The following ARHGAP8 variants were observed in gnomAD, a reference collection of about 807,000 sequenced individuals.
ARHGAP8 encodes Rho GTPase activating protein 8, also known as rho GTPase-activating protein 8.
Under a neutral mutation model 46.1 loss-of-function variants are expected in ARHGAP8, and 62 were observed. The ratio of observed to expected loss-of-function variants is 1.34; its 90% CI spans 1.10 to 1.66. The LOEUF (loss-of-function observed/expected upper bound fraction) is 1.66. ARHGAP8 is among the 40% of genes most tolerant of loss of function. The pLI, the probability that ARHGAP8 is intolerant of heterozygous loss-of-function variation, is 0.00. For synonymous variants in ARHGAP8, 375 were observed against 243.1 expected, an observed-to-expected ratio of 1.54 and a Z score of -5.05; for missense variants, 923 against 568.4, an observed-to-expected ratio of 1.62 and a Z score of -6.34.
intron 2 of ARHGAP8, 51 bp from the exon 3 acceptor site, chr22:44,802,026 G>T: frequency 6.2e-7 from 1 of 1,606,620 alleles, no homozygotes. Flanking sequence ...AGTGCCTGAG[G>T]ATTTTCTAGG....
intron 7 of ARHGAP8, among the ~76,000 whole-genome samples, chr22:44,835,221 G>A (rs191750076): frequency 1.6e-3 from 219 of 140,336 alleles, no homozygotes; most frequent in African/African-American, 6.0e-3. Flanking sequence ...TCAATTTTTT[G>A]TTTCTTTTGC....
intron 7 of ARHGAP8, among the ~76,000 whole-genome samples, chr22:44,828,519 G>A (rs1022940971): frequency 4.7e-5 from 7 of 149,656 alleles, no homozygotes; most frequent in African/African-American, 1.7e-4. Flanking sequence ...GCAGGATCTC[G>A]GCTCCCTGCA....
intron 1 of ARHGAP8, among the ~76,000 whole-genome samples, chr22:44,781,689 AT>A (rs11310716): frequency 0.88 from 132,754 of 151,696 alleles, 58,194 homozygotes; most frequent in Non-Finnish European, 0.89. Flanking sequence ...CGCCCGGCTA[AT>A]TTTTTTGTAT....
rs755360605 is a variant in ARHGAP8, at chr22:44,862,550, T to C, written c.1257T>C (p.Pro419=). 94 of 1,602,632 alleles carry C rather than the reference T, an allele frequency of 5.9e-5. No individual in the cohort carries two copies. Among genetic ancestry groups the C allele is most frequent in the Middle Eastern group, 1.7e-4 (1 of 6,046 alleles). Residue 419 remains proline, a synonymous_variant, in exon 12 of 12, where the codon CCT becomes CCC. Transcript: ENST00000356099. The part of the protein sequence containing the change: ...PRTQATGLTK[P]TLPPSPLMAA... ...CACAAGCCACGGGCCTCACCAAGCC[T>C]ACCCTACCTCCGAGTCCCCTGATGG... is the stretch of plus-strand genomic sequence containing the variant.
rs1928574648 is a variant in ARHGAP8 at position 44,801,824 on chromosome 22, T to C, written c.80-253T>C. The C allele has an allele frequency of 7.5e-6, 4 of 535,646 alleles. No individual in the cohort carries two copies. The East Asian group carries it at 9.5e-5, about 13-fold the overall frequency. The allele number at this position is 535,646 out of a possible 1,614,324, so 33.2% of individuals were successfully genotyped here. On this transcript the variant is annotated intron_variant, in intron 2 of 11. Coordinates refer to ENST00000356099, the MANE Select transcript of ARHGAP8 (RefSeq NM_181335.3). ...CTCTGCACTGATGACTTAACCCTGC[T>C]GGGCCTCGGTTTTCTATCTGTAAAG...
At chr22:44,850,481 CTAGAGAGA>C (rs2070066193) in intron 10 of ARHGAP8, 1 of 152,190 alleles carries the variant, frequency 6.6e-6, no homozygotes, top group South Asian at 2.1e-4. Flanking sequence ...AGGCTGTGTC[CTAGAGAGA>C]AGCTTCCAGA....
chr22:44,841,047 G>A (rs1931617683), intron 7 of ARHGAP8, among the ~76,000 whole-genome samples: 1 of 152,168 alleles, frequency 6.6e-6, no homozygotes, highest in Admixed American at 6.5e-5. Flanking sequence ...TGCCTTTCAG[G>A]GGAGTCCCGT....
rs1312564055 is a variant in ARHGAP8, at chr22:44,759,604, G to A, written c.-72+6977G>A. Among the ~76,000 whole-genome samples, 4 of 152,084 alleles carry A rather than the reference G, an allele frequency of 2.6e-5. 1 individual carries two copies. The highest frequency in any genetic ancestry group is 4.2e-4 in the South Asian group (2 of 4,792). On this transcript the variant is annotated intron_variant, in intron 1 of 11. Coordinates refer to ENST00000356099, the MANE Select transcript of ARHGAP8 (RefSeq NM_181335.3). ...GGCGGCAAGTTGGCTGCAGCCCTCC[G>A]GGTCTCATCTGCATACCCAGCTGCG...
At chr22:44,821,106 A>G (rs868161098) in intron 5 of ARHGAP8, among the ~76,000 whole-genome samples, 16 of 152,228 alleles carry the variant, frequency 1.1e-4, no homozygotes, top group African/African-American at 3.6e-4. Flanking sequence ...TTCCTTTTCC[A>G]GTAACAACAT....
intron 10 of ARHGAP8, among the ~76,000 whole-genome samples, chr22:44,856,243 C>T: frequency 7.1e-6 from 1 of 140,682 alleles, no homozygotes; most frequent in African/African-American, 2.8e-5. Flanking sequence ...GTCTGGCCAG[C>T]TATAAATTCC....
chr22:44,859,751 G>A lies in ARHGAP8; in HGVS notation c.898G>A (p.Val300Ile), dbSNP rs568417355. 6 of 1,613,896 alleles carry A rather than the reference G, an allele frequency of 3.7e-6. No individual in the cohort carries two copies. Among genetic ancestry groups the A allele is most frequent in the Middle Eastern group, 1.6e-4 (1 of 6,062 alleles). The change falls in exon 11 of 12, where the codon GTC becomes ATC. Residue 300 changes from valine (V) to isoleucine (I), a missense_variant. Val to Ile is a conservative substitution (Grantham distance 29). Transcript: ENST00000356099. ...GITCVESSLR[V>I]TGCRQILRSL... ...TCCAGGTGTGGAGAGCAGCCTGCGT[G>A]TCACTGGCTGCCGCCAGATCTTACG...
intron 1 of ARHGAP8, among the ~76,000 whole-genome samples, chr22:44,775,659 G>A: frequency 6.6e-6 from 1 of 151,442 alleles, no homozygotes; most frequent in African/African-American, 2.4e-5. Context: ...CATGTCGGCT[G>A]GGCTGGTCTC....
At chr22:44,824,173 C>A (rs1254001733) in intron 6 of ARHGAP8, among the ~76,000 whole-genome samples, 4 of 152,242 alleles carry the variant, frequency 2.6e-5, no homozygotes, top group Non-Finnish European at 5.9e-5. Flanking sequence ...GGCTGTCATC[C>A]CAGCTTGTGA....
At position 44,862,527 on chromosome 22, in the gene ARHGAP8, C is replaced by T. The variant is rs368545557; in HGVS notation, c.1234C>T (p.Gln412Ter). Residue 412 changes from glutamine to a stop codon, truncating the protein, a stop_gained, in exon 12 of 12, where the codon CAA (glutamine) becomes TAA (stop). Transcript: ENST00000356099. LOFTEE classifies it low-confidence loss of function (END_TRUNC). Reference protein sequence around the residue: ...APLQEAVPRTQATGLTKPTLP... With the variant: ...APLQEAVPRT Reference sequence around the variant, plus strand: ...TTTGCAGGAGGCTGTGCCACGGACACAAGCCACGGGCCTCACCAAGCCTAC... The same window carrying T: ...TTTGCAGGAGGCTGTGCCACGGACATAAGCCACGGGCCTCACCAAGCCTAC... The T allele has an allele frequency of 6.8e-6, 11 of 1,611,294 alleles. No homozygotes were observed. In the South Asian group the frequency reaches 1.2e-4, roughly 18 times the overall value.
intron 8 of ARHGAP8, 70 bp downstream of exon 8, chr22:44,845,412 T>A: frequency 6.2e-7 from 1 of 1,604,512 alleles, no homozygotes; most frequent in Non-Finnish European, 8.5e-7. Flanking sequence ...TGGTTTGTCT[T>A]GGATCCTGAG....
chr22:44,804,618 C>T (rs902954201), intron 3 of ARHGAP8, among the ~76,000 whole-genome samples: 1 of 152,162 alleles, frequency 6.6e-6, no homozygotes. Flanking sequence ...CAGGACGTGA[C>T]CCTGGCGGGG....
intron 3 of ARHGAP8, among the ~76,000 whole-genome samples, chr22:44,807,187 C>T (rs1034784689): frequency 6.6e-6 from 1 of 152,158 alleles, no homozygotes; most frequent in Non-Finnish European, 1.5e-5. Context: ...AGGTGAGAAC[C>T]TGGACAACCT....
At chr22:44,773,767 G>A (rs539877486) in intron 1 of ARHGAP8, among the ~76,000 whole-genome samples, 2 of 152,220 alleles carry the variant, frequency 1.3e-5, no homozygotes, top group Non-Finnish European at 2.9e-5. Flanking sequence ...ATTTTTAGTA[G>A]AGATAGGGTT....
At position 44,848,893 on chromosome 22, in the gene ARHGAP8, C is replaced by T. The variant is rs145300796; in HGVS notation, c.749-39C>T. ...CGTTCTGCAGCGGCAGTGCCCAGGC[C>T]GGGGTGCAGACCTCAGCAGTGCTGT... On this transcript the variant is annotated intron_variant, in intron 9 of 11. Coordinates refer to ENST00000356099, the MANE Select transcript of ARHGAP8 (RefSeq NM_181335.3). 175 of 1,610,948 alleles carry T rather than the reference C, an allele frequency of 1.1e-4. No homozygotes were observed. In the East Asian group the frequency reaches 1.3e-3, roughly 12 times the overall value.
Sources: gnomAD v4.1 joint callset for allele counts (sites outside exome capture counted in the v4.1 genomes callset) on GRCh38, gnomAD v4.1.1 for gene constraint, MANE v1.5 for transcripts, NCBI Gene and HGNC (gene_info 2026-07-23, HGNC 2026-07-21) for gene names.